TTLL11: variants seen among roughly 807,000 people sequenced by gnomAD.
TTLL11 encodes tubulin tyrosine ligase like 11, also known as tubulin polyglutamylase TTLL11.
Under a neutral mutation model 51.7 loss-of-function variants are expected in TTLL11, and 42 were observed. The ratio of observed to expected loss-of-function variants is 0.81; its 90% CI spans 0.64 to 1.05. TTLL11 has a LOEUF of 1.05. Among genes scored for constraint, TTLL11 ranks in the 50% least tolerant of loss-of-function variants. The probability of loss-of-function intolerance (pLI) is 0.00; values close to 1 mark genes in which losing one functional copy is unlikely to be tolerated. For missense variants in TTLL11, 799 were observed against 940.4 expected (o/e 0.85, Z 1.97); for synonymous variants, 381 against 383.5 (o/e 0.99, Z 0.08).
intron 8 of TTLL11, among the ~76,000 whole-genome samples, chr9:121,843,175 T>TAA (rs879826413): frequency 6.2e-5 from 9 of 145,442 alleles, no homozygotes; most frequent in African/African-American, 2.3e-4. Flanking sequence ...CATCTTTATT[T>TAA]AAAAAAAAAA....
chr9:121,859,450 G>T (rs4240470), intron 8 of TTLL11, among the ~76,000 whole-genome samples: 7 of 151,994 alleles, frequency 4.6e-5, no homozygotes, highest in Non-Finnish European at 8.8e-5. Flanking sequence ...GCAGTGAGCT[G>T]AGATCGTGCC....
chr9:121,946,035 T>C (rs1427311832), intron 6 of TTLL11, among the ~76,000 whole-genome samples: 5 of 152,228 alleles, frequency 3.3e-5, no homozygotes, highest in African/African-American at 1.2e-4. Flanking sequence ...CCGATGTGGT[T>C]CTGAGCCTTG....
At chr9:121,914,369 A>G (rs1840247747) in intron 6 of TTLL11, among the ~76,000 whole-genome samples, 1 of 152,196 alleles carries the variant, frequency 6.6e-6, no homozygotes, top group South Asian at 2.1e-4. Context: ...TAGGGCCTAT[A>G]CCATAATAAG....
chr9:122,077,160 G>A (rs1845884952), intron 1 of TTLL11, among the ~76,000 whole-genome samples: 1 of 152,140 alleles, frequency 6.6e-6, no homozygotes, highest in Non-Finnish European at 1.5e-5. Flanking sequence ...CCAAGAGAAA[G>A]GAAATGACCC....
At chr9:121,861,237 C>A (rs771017188) in intron 7 of TTLL11, among the ~76,000 whole-genome samples, 22 of 151,942 alleles carry the variant, frequency 1.4e-4, no homozygotes, top group Non-Finnish European at 2.8e-4. Flanking sequence ...TACAGGTACC[C>A]AGCTAATTTT....
intron 3 of TTLL11, among the ~76,000 whole-genome samples, chr9:122,019,409 C>G (rs1844098647): frequency 6.6e-6 from 1 of 152,194 alleles, no homozygotes; most frequent in Non-Finnish European, 1.5e-5. Context: ...GATCTACCCT[C>G]TCCTTCTCAA....
At chr9:122,068,792 C>T (rs1019708200) in intron 1 of TTLL11, among the ~76,000 whole-genome samples, 6 of 152,210 alleles carry the variant, frequency 3.9e-5, no homozygotes, top group Non-Finnish European at 8.8e-5. Flanking sequence ...GTCTCCCTGG[C>T]ACTTGGGTGT....
chr9:121,895,696 ATT>A (rs1370185434), intron 6 of TTLL11, among the ~76,000 whole-genome samples: 5 of 90,218 alleles, frequency 5.5e-5, no homozygotes, highest in African/African-American at 2.3e-4. Flanking sequence ...TGAATGTGTG[ATT>A]GTGTGGGTTT....
At chr9:121,998,670 T>C (rs1230141027) in intron 3 of TTLL11, among the ~76,000 whole-genome samples, 1 of 152,172 alleles carries the variant, frequency 6.6e-6, no homozygotes, top group Admixed American at 6.5e-5. Context: ...AGTGCTCTTT[T>C]CGCTAAACTA....
At chr9:121,909,390 G>A (rs1196082322) in intron 6 of TTLL11, among the ~76,000 whole-genome samples, 1 of 152,068 alleles carries the variant, frequency 6.6e-6, no homozygotes, top group Non-Finnish European at 1.5e-5. Flanking sequence ...ACTGTTCTAA[G>A]AAGGCAGTCA....
chr9:121,927,290 C>T (rs143492167), intron 6 of TTLL11, among the ~76,000 whole-genome samples: 3 of 151,886 alleles, frequency 2.0e-5, no homozygotes, highest in East Asian at 3.9e-4. Flanking sequence ...ATAGCGCATG[C>T]GCTGTCTGTA....
At chr9:121,895,972 GTGTGTC>G (rs1340802628) in intron 6 of TTLL11, among the ~76,000 whole-genome samples, 1 of 53,506 alleles carries the variant, frequency 1.9e-5, no homozygotes, top group Non-Finnish European at 4.4e-5. Flanking sequence ...GGGTGTGGGT[GTGTGTC>G]TGTGGTGGGT....
rs547408355 is a variant in TTLL11, at chr9:122,002,944, CAA to C, written c.694-13176_694-13175del. ...CTGGCAACAGAGTGAGACTCTGTCT[CAA>C]AAAAAAAAAAAAAAAAAAGAGATCC... is the stretch of plus-strand genomic sequence containing the variant. On this transcript the variant is annotated intron_variant, in intron 3 of 8. Transcript: ENST00000321582. Among the ~76,000 whole-genome samples, 28 of 61,228 alleles carry C rather than the reference CAA, an allele frequency of 4.6e-4. 1 individual carries two copies. The highest frequency in any genetic ancestry group is 1.7e-3 in the African/African-American group (20 of 11,900). The allele number at this position is 61,228 out of a possible 152,430, so 40.2% of individuals were successfully genotyped here.
intron 6 of TTLL11, among the ~76,000 whole-genome samples, chr9:121,876,003 C>G (rs1175448951): frequency 6.6e-6 from 1 of 152,182 alleles, no homozygotes; most frequent in African/African-American, 2.4e-5. Context: ...TTGCTCCAAG[C>G]CACTTACCTA....
chr9:122,085,025 T>G (rs1005662059), intron 1 of TTLL11, among the ~76,000 whole-genome samples: 1 of 152,166 alleles, frequency 6.6e-6, no homozygotes, highest in African/African-American at 2.4e-5. Flanking sequence ...TTTGGGAGGC[T>G]GAGGCGGGCA....
intron 6 of TTLL11, among the ~76,000 whole-genome samples, chr9:121,972,140 A>G (rs1357011423): frequency 6.6e-6 from 1 of 152,148 alleles, no homozygotes; most frequent in East Asian, 1.9e-4. Flanking sequence ...AAAAGAAAAA[A>G]AAAAAAAAAG....
At chr9:121,899,402 T>TATATATATATATATATATATAC (rs1465376759) in intron 6 of TTLL11, among the ~76,000 whole-genome samples, 11 of 82,778 alleles carry the variant, frequency 1.3e-4, no homozygotes, top group South Asian at 1.1e-3. Context: ...TATATATATA[T>TATATATATATATATATATATAC]ACACACACAC....
At chr9:122,088,033 C>G (rs752274503) in intron 1 of TTLL11, among the ~76,000 whole-genome samples, 48 of 152,208 alleles carry the variant, frequency 3.2e-4, no homozygotes, top group Non-Finnish European at 5.7e-4. Context: ...ACTGAATCAT[C>G]TGAGGGCTGG....
At chr9:121,958,212 T>C (rs1283241203) in intron 6 of TTLL11, among the ~76,000 whole-genome samples, 1 of 152,228 alleles carries the variant, frequency 6.6e-6, no homozygotes, top group African/African-American at 2.4e-5. Flanking sequence ...TTAGCCTTGG[T>C]TTGATTACTT....
Sources: allele counts gnomAD v4.1 joint callset (sites outside exome capture counted in the v4.1 genomes callset), GRCh38; gene constraint gnomAD v4.1.1; transcripts MANE v1.5; gene names NCBI Gene and HGNC (gene_info 2026-07-23, HGNC 2026-07-21).